Variants in TTC28 observed in about 807,000 individuals in gnomAD.
TTC28 encodes the protein tetratricopeptide repeat protein 28.
A neutral mutation model predicts 198.0 loss-of-function variants in TTC28; 61 were observed. That is an observed-to-expected ratio of 0.31 (90% CI 0.25 to 0.38). TTC28 has a LOEUF of 0.38. Ranked by LOEUF, TTC28 falls within the 10% of genes least tolerant of loss-of-function variation. The pLI is 1.00. For missense variants in TTC28, 2,678 were observed against 3,164.0 expected (o/e 0.85, Z 3.69); for synonymous variants, 1,171 against 1,297.8 (o/e 0.90, Z 2.10).
At chr22:28,205,115 A>G (rs1306114884) in intron 5 of TTC28, among the ~76,000 whole-genome samples, 1 of 152,068 alleles carries the variant, frequency 6.6e-6, no homozygotes, top group African/African-American at 2.4e-5. Flanking sequence ...ATGTTTCTTT[A>G]TTCCCTCTTA....
chr22:28,220,832 C>G (rs981163016), intron 5 of TTC28, among the ~76,000 whole-genome samples: 2 of 152,102 alleles, frequency 1.3e-5, no homozygotes, highest in African/African-American at 4.8e-5. Flanking sequence ...TTGCCACAGA[C>G]ATGCTGGAGC....
intron 2 of TTC28, among the ~76,000 whole-genome samples, chr22:28,606,326 C>T (rs2050734607): frequency 6.6e-6 from 1 of 151,972 alleles, no homozygotes; most frequent in Admixed American, 6.6e-5. Flanking sequence ...CCTGACCTCG[C>T]GATCCACCTG....
intron 12 of TTC28, among the ~76,000 whole-genome samples, chr22:28,046,528 C>A (rs1161390239): frequency 6.6e-6 from 1 of 152,134 alleles, no homozygotes; most frequent in Non-Finnish European, 1.5e-5. Flanking sequence ...ACATTGTTGA[C>A]CAAAACGTCA....
intron 6 of TTC28, among the ~76,000 whole-genome samples, chr22:28,140,369 G>A (rs1170932621): frequency 6.6e-6 from 1 of 152,156 alleles, no homozygotes; most frequent in African/African-American, 2.4e-5. Context: ...GAACTAATAA[G>A]GTCCCAGTGG....
At chr22:28,318,799 T>C (rs1234870122) in intron 2 of TTC28, among the ~76,000 whole-genome samples, 1 of 146,430 alleles carries the variant, frequency 6.8e-6, no homozygotes, top group Non-Finnish European at 1.5e-5. Context: ...AAATGTAGGC[T>C]GGGAAGTGTA....
chr22:28,514,798 A>T (rs2048750034), intron 2 of TTC28, among the ~76,000 whole-genome samples: 1 of 152,178 alleles, frequency 6.6e-6, no homozygotes, highest in Non-Finnish European at 1.5e-5. Context: ...AGACCACCAA[A>T]ACACTGTTTC....
At chr22:28,038,332 T>C (rs1278565248) in intron 12 of TTC28, among the ~76,000 whole-genome samples, 2 of 152,124 alleles carry the variant, frequency 1.3e-5, no homozygotes, top group Non-Finnish European at 2.9e-5. Context: ...TATAGACCAA[T>C]GGAACAGAAC....
At chr22:28,417,960 C>T (rs1258359361) in intron 2 of TTC28, among the ~76,000 whole-genome samples, 1 of 152,096 alleles carries the variant, frequency 6.6e-6, no homozygotes, top group African/African-American at 2.4e-5. Flanking sequence ...TATGGCACTC[C>T]CAATGCATTA....
intron 2 of TTC28, among the ~76,000 whole-genome samples, chr22:28,452,288 G>A (rs1023238254): frequency 5.3e-5 from 8 of 150,434 alleles, no homozygotes; most frequent in African/African-American, 1.5e-4. Context: ...TACCCAGGAG[G>A]CCGAGGCAGG....
chr22:28,045,750 G>C (rs917190833), intron 12 of TTC28, among the ~76,000 whole-genome samples: 7 of 152,186 alleles, frequency 4.6e-5, no homozygotes, highest in Non-Finnish European at 1.0e-4. Flanking sequence ...GATCACTTGA[G>C]GTCAGGAGTT....
At chr22:28,099,286 CTCA>C (rs1397073157) in intron 9 of TTC28, among the ~76,000 whole-genome samples, 3 of 152,224 alleles carry the variant, frequency 2.0e-5, no homozygotes, top group Non-Finnish European at 4.4e-5. Flanking sequence ...CACAACTCCA[CTCA>C]TCATGTAACG....
chr22:28,263,970 T>C (rs1042180689), intron 5 of TTC28, among the ~76,000 whole-genome samples: 2 of 152,130 alleles, frequency 1.3e-5, no homozygotes, highest in African/African-American at 4.8e-5. Context: ...ATCTGCACTT[T>C]GAAATTCTAC....
At chr22:28,240,226 T>C (rs1343800636) in intron 5 of TTC28, among the ~76,000 whole-genome samples, 1 of 152,234 alleles carries the variant, frequency 6.6e-6, no homozygotes, top group Non-Finnish European at 1.5e-5. Flanking sequence ...TATGAATTAG[T>C]ACTTCTGAAA....
intron 2 of TTC28, among the ~76,000 whole-genome samples, chr22:28,322,546 G>A (rs1473107467): frequency 6.6e-6 from 1 of 152,148 alleles, no homozygotes; most frequent in East Asian, 1.9e-4. Flanking sequence ...TAATATGTGA[G>A]CTGGTGAAGA....
chr22:28,333,975 A>AT (rs745522091), intron 2 of TTC28, among the ~76,000 whole-genome samples: 1 of 151,376 alleles, frequency 6.6e-6, no homozygotes, highest in Non-Finnish European at 1.5e-5. Flanking sequence ...AATATTAGGC[A>AT]TATCTCCTAA....
chr22:28,032,222 TATATATATATA>T (rs1939140301), intron 12 of TTC28, among the ~76,000 whole-genome samples: 1 of 122,470 alleles, frequency 8.2e-6, no homozygotes, highest in African/African-American at 3.4e-5. Context: ...ATATATAAAA[TATATATATATA>T]AAATATATAT....
intron 6 of TTC28, among the ~76,000 whole-genome samples, chr22:28,137,367 T>C (rs1943222913): frequency 6.6e-6 from 1 of 152,206 alleles, no homozygotes; most frequent in Non-Finnish European, 1.5e-5. Flanking sequence ...GTGCCAGTTC[T>C]CTTTACTGAC....
chr22:28,227,027 T>G (rs1928396507), intron 5 of TTC28, among the ~76,000 whole-genome samples: 1 of 152,094 alleles, frequency 6.6e-6, no homozygotes, highest in Non-Finnish European at 1.5e-5. Flanking sequence ...CTGGCTCAAA[T>G]GATCTTCCCA....
chr22:28,234,732 T>A (rs1929103248), intron 5 of TTC28, among the ~76,000 whole-genome samples: 1 of 152,150 alleles, frequency 6.6e-6, no homozygotes, highest in African/African-American at 2.4e-5. Context: ...CCTTGGAGTG[T>A]TTATCTATAT....
Sources: allele counts gnomAD v4.1 joint callset (sites outside exome capture counted in the v4.1 genomes callset), GRCh38; gene constraint gnomAD v4.1.1; transcripts MANE v1.5; gene names NCBI Gene and HGNC (gene_info 2026-07-23, HGNC 2026-07-21).